KIAA1217: variants seen among roughly 807,000 people sequenced by gnomAD.
KIAA1217 encodes sickle tail protein homolog.
In KIAA1217, 88 loss-of-function variants were observed where a neutral mutation model predicts 163.9. The ratio of observed to expected loss-of-function variants is 0.54; its 90% CI spans 0.45 to 0.64. The LOEUF is 0.64. KIAA1217 is among the 30% of genes least tolerant of loss of function. The pLI, the probability that KIAA1217 is intolerant of heterozygous loss-of-function variation, is 0.00. For synonymous variants in KIAA1217, 903 were observed against 923.1 expected, an observed-to-expected ratio of 0.98 and a Z score of 0.39; for missense variants, 2,372 against 2,475.0, an observed-to-expected ratio of 0.96 and a Z score of 0.88.
chr10:23,831,293 A>G (rs572890711), intron 1 of KIAA1217, among the ~76,000 whole-genome samples: 2 of 152,228 alleles, frequency 1.3e-5, no homozygotes, highest in Middle Eastern at 3.4e-3. Flanking sequence ...TACACAGAAA[A>G]AAAAAAATGG....
chr10:24,077,077 G>T (rs181242782), intron 2 of KIAA1217, among the ~76,000 whole-genome samples: 2 of 151,922 alleles, frequency 1.3e-5, no homozygotes, highest in Non-Finnish European at 2.9e-5. Context: ...GGGTTTTACC[G>T]TGTTGGTCAG....
chr10:24,010,570 C>A (rs1210884172), intron 2 of KIAA1217, among the ~76,000 whole-genome samples: 1 of 151,190 alleles, frequency 6.6e-6, no homozygotes. Context: ...AAAGATTTCA[C>A]ACGTGCAGTG....
At chr10:24,362,331 A>C (rs1044805070) in intron 2 of KIAA1217, among the ~76,000 whole-genome samples, 1 of 152,236 alleles carries the variant, frequency 6.6e-6, no homozygotes, top group Non-Finnish European at 1.5e-5. Context: ...TAAAAATAGC[A>C]CTTTGCATTT....
chr10:24,295,900 T>A (rs2040543567), intron 2 of KIAA1217, among the ~76,000 whole-genome samples: 1 of 152,168 alleles, frequency 6.6e-6, no homozygotes, highest in Non-Finnish European at 1.5e-5. Flanking sequence ...GCTCTTCTGT[T>A]TGATTTGGAA....
At chr10:24,104,340 G>C (rs2062537790) in intron 2 of KIAA1217, among the ~76,000 whole-genome samples, 2 of 152,092 alleles carry the variant, frequency 1.3e-5, no homozygotes, top group African/African-American at 4.8e-5. Context: ...GCACTAAAAA[G>C]AAATGAGCTA....
At chr10:24,055,425 A>G (rs2131589772) in intron 2 of KIAA1217, among the ~76,000 whole-genome samples, 1 of 152,308 alleles carries the variant, frequency 6.6e-6, no homozygotes, top group South Asian at 2.1e-4. Flanking sequence ...TATAGCTTCA[A>G]GTATCCACAA....
intron 2 of KIAA1217, among the ~76,000 whole-genome samples, chr10:24,221,939 AG>A (rs2069711118): frequency 6.6e-6 from 1 of 152,180 alleles, no homozygotes. Flanking sequence ...CAGGAGACTG[AG>A]GTGGGAAGAT....
intron 17 of KIAA1217, among the ~76,000 whole-genome samples, chr10:24,538,013 C>T (rs1328980533): frequency 4.6e-5 from 7 of 152,176 alleles, no homozygotes; most frequent in Non-Finnish European, 1.0e-4. Flanking sequence ...CATTTTTCTC[C>T]AGGGACTTAT....
At chr10:24,119,246 G>A (rs780616958) in intron 2 of KIAA1217, among the ~76,000 whole-genome samples, 2 of 152,276 alleles carry the variant, frequency 1.3e-5, no homozygotes, top group African/African-American at 4.8e-5. Flanking sequence ...CTTGGAAAAT[G>A]AGCAAGCAAA....
intron 1 of KIAA1217, among the ~76,000 whole-genome samples, chr10:23,965,438 G>A (rs1845024245): frequency 6.6e-6 from 1 of 152,216 alleles, no homozygotes; most frequent in South Asian, 2.1e-4. Flanking sequence ...TGGATAGAGA[G>A]GCTTGTACTT....
intron 1 of KIAA1217, among the ~76,000 whole-genome samples, chr10:23,947,881 C>T (rs1302228366): frequency 6.6e-6 from 1 of 152,188 alleles, no homozygotes; most frequent in Non-Finnish European, 1.5e-5. Flanking sequence ...AAATTACTGG[C>T]TCCCATCATC....
intron 2 of KIAA1217, among the ~76,000 whole-genome samples, chr10:24,223,078 C>A (rs1590022152): frequency 1.3e-5 from 2 of 152,222 alleles, no homozygotes; most frequent in Non-Finnish European, 2.9e-5. Context: ...TAGGTTTTGG[C>A]TGGTGTCTTT....
At chr10:24,005,535 TGG>T (rs1846955062) in intron 1 of KIAA1217, among the ~76,000 whole-genome samples, 1 of 152,200 alleles carries the variant, frequency 6.6e-6, no homozygotes, top group Non-Finnish European at 1.5e-5. Flanking sequence ...CACACTGACC[TGG>T]GTTCAAATCC....
chr10:24,224,223 C>T (rs910351227), intron 2 of KIAA1217, among the ~76,000 whole-genome samples: 1 of 152,208 alleles, frequency 6.6e-6, no homozygotes, highest in African/African-American at 2.4e-5. Flanking sequence ...TGTACAGCCT[C>T]ATTGCCTGGC....
At chr10:23,739,934 T>C (rs1564380863) in intron 1 of KIAA1217, among the ~76,000 whole-genome samples, 1 of 152,092 alleles carries the variant, frequency 6.6e-6, no homozygotes, top group Non-Finnish European at 1.5e-5. Context: ...AGAGAAGAGT[T>C]ACGGATAAGT....
intron 8 of KIAA1217, among the ~76,000 whole-genome samples, chr10:24,496,570 G>T (rs1047317519): frequency 1.3e-5 from 2 of 152,192 alleles, no homozygotes; most frequent in East Asian, 3.8e-4. Flanking sequence ...AGAAGAAGAA[G>T]AAGAATAAAT....
At chr10:23,728,536 G>A (rs1383379523) in intron 1 of KIAA1217, among the ~76,000 whole-genome samples, 3 of 151,184 alleles carry the variant, frequency 2.0e-5, no homozygotes, top group African/African-American at 4.9e-5. Context: ...ATTTGTTTAA[G>A]CTTCTTGTAG....
chr10:24,402,523 C>CAAAAAAAAAAAA lies in KIAA1217; in HGVS notation c.553+21460_553+21461insAAAAAAAAAAAA, dbSNP rs1173653514. ...GACTCCCTCTCAAAAAAACAAAAAA[C>CAAAAAAAAAAAA]AAAACAAAAAAAAAAAAAAGGCAAA... On this transcript the variant is annotated intron_variant, in intron 3 of 20. Transcript: ENST00000376454. Among the ~76,000 whole-genome samples, 14 of 71,026 alleles carry CAAAAAAAAAAAA rather than the reference C, an allele frequency of 2.0e-4. 1 individual carries two copies. Among genetic ancestry groups the CAAAAAAAAAAAA allele is most frequent in the African/African-American group, 6.5e-4 (14 of 21,456 alleles). The allele number at this position is 71,026 out of a possible 152,430, so 46.6% of individuals were successfully genotyped here.
intron 5 of KIAA1217, among the ~76,000 whole-genome samples, chr10:24,452,555 G>A (rs1004184672): frequency 3.3e-5 from 5 of 151,018 alleles, no homozygotes; most frequent in Admixed American, 6.6e-5. Context: ...GGTGGCGGGC[G>A]CCTGTAGTCC....
Sources: allele counts gnomAD v4.1 joint callset (sites outside exome capture counted in the v4.1 genomes callset), GRCh38; gene constraint gnomAD v4.1.1; transcripts MANE v1.5; gene names NCBI Gene and HGNC (gene_info 2026-07-23, HGNC 2026-07-21).